The following MEGF11 variants were observed in gnomAD, a reference collection of about 807,000 sequenced individuals.
MEGF11 encodes multiple EGF like domains 11, also known as multiple epidermal growth factor-like domains protein 11.
Under a neutral mutation model 146.6 loss-of-function variants are expected in MEGF11, and 126 were observed. The ratio of observed to expected loss-of-function variants is 0.86; its 90% CI spans 0.74 to 1.00. The LOEUF is 1.00. MEGF11 is among the 50% of genes least tolerant of loss of function. The probability of loss-of-function intolerance (pLI) is 0.00; values close to 1 mark genes in which losing one functional copy is unlikely to be tolerated. For synonymous variants in MEGF11, 532 were observed against 583.4 expected, an observed-to-expected ratio of 0.91 and a Z score of 1.27; for missense variants, 1,509 against 1,521.2, an observed-to-expected ratio of 0.99 and a Z score of 0.13.
intron 5 of MEGF11, among the ~76,000 whole-genome samples, chr15:65,989,197 A>G (rs1045446964): frequency 6.6e-6 from 1 of 152,106 alleles, no homozygotes; most frequent in African/African-American, 2.4e-5. Context: ...GCTGGGCTGG[A>G]GGTGGGGTGG....
Position 66,061,397 on chromosome 15 carries a change from G to A in MEGF11, c.394+33005C>T, listed in dbSNP as rs139583533. Among the ~76,000 whole-genome samples, 9 of 152,272 alleles carry A rather than the reference G, an allele frequency of 5.9e-5. No homozygotes were observed. The East Asian group carries it at 1.4e-3, about 23-fold the overall frequency. ...GGCTGGAAAGGCTTGACCCCCACAC[G>A]TCAGACTTAGCCTCCTTTACTTGTT... On this transcript the variant is annotated intron_variant, in intron 5 of 25. Coordinates refer to ENST00000395614, the MANE Select transcript of MEGF11 (RefSeq NM_001385028.1).
At chr15:66,069,559 C>T (rs1447747963) in intron 5 of MEGF11, among the ~76,000 whole-genome samples, 2 of 152,140 alleles carry the variant, frequency 1.3e-5, no homozygotes, top group African/African-American at 2.4e-5. Flanking sequence ...GTCCCACAGT[C>T]GGGACCATGG....
chr15:66,234,374 C>G (rs181053705), intron 1 of MEGF11, among the ~76,000 whole-genome samples: 1 of 152,344 alleles, frequency 6.6e-6, no homozygotes, highest in Admixed American at 6.5e-5. Context: ...TGCAGCTTAA[C>G]TGATATAGCC....
intron 5 of MEGF11, among the ~76,000 whole-genome samples, chr15:66,064,674 TC>T (rs1257527491): frequency 1.4e-5 from 2 of 142,474 alleles, no homozygotes; most frequent in African/African-American, 2.5e-5. Context: ...TGTACCACCA[TC>T]CCGGCTAATT....
chr15:65,992,451 G>GT (rs772342790), intron 5 of MEGF11, among the ~76,000 whole-genome samples: 3,483 of 17,832 alleles, frequency 0.2, 158 homozygotes, highest in African/African-American at 0.33. Context: ...GTGTGTGTGT[G>GT]GGGGGGGGGG....
rs1244230153 is a variant in MEGF11, at chr15:66,128,295, C to T, written c.98+11G>A. 8 of 1,478,082 alleles carry T rather than the reference C, an allele frequency of 5.4e-6. No homozygotes were observed. Among genetic ancestry groups the T allele is most frequent in the Non-Finnish European group, 7.2e-6 (8 of 1,111,566 alleles). 91.6% of individuals were successfully genotyped at this position (1,478,082 alleles called of 1,614,324 possible). A position where few individuals can be genotyped will look rare whatever the true frequency, so the allele number is the denominator to read the frequency against. On this transcript the variant is annotated intron_variant, in intron 2 of 25. Transcript: ENST00000395614. ...CAGAGAGTGCCTGGCCATCTGAGGCCCACACCTTACCTCTCCCAGTGGCTG... is the reference window on the plus strand; with the variant it reads ...CAGAGAGTGCCTGGCCATCTGAGGCTCACACCTTACCTCTCCCAGTGGCTG...
chr15:66,181,889 G>T (rs2090559395), intron 1 of MEGF11, among the ~76,000 whole-genome samples: 1 of 152,166 alleles, frequency 6.6e-6, no homozygotes, highest in Admixed American at 6.5e-5. Context: ...TAATCTGTTT[G>T]CTCCTAAATG....
chr15:66,094,610 ACG>A, intron 4 of MEGF11, 116 bp from the exon 5 acceptor site: 2 of 814,792 alleles, frequency 2.5e-6, no homozygotes, highest in Admixed American at 2.4e-5. Flanking sequence ...GATGCTTAGA[ACG>A]CATGACTGGC....
At chr15:66,173,857 A>G (rs1419400909) in intron 1 of MEGF11, among the ~76,000 whole-genome samples, 1 of 152,222 alleles carries the variant, frequency 6.6e-6, no homozygotes, top group Non-Finnish European at 1.5e-5. Context: ...ACCCTTGGAC[A>G]GTTTGCCACA....
chr15:66,209,306 C>T (rs1419502426), intron 1 of MEGF11, among the ~76,000 whole-genome samples: 3 of 151,058 alleles, frequency 2.0e-5, no homozygotes, highest in East Asian at 2.0e-4. Flanking sequence ...GCCAAGATCG[C>T]GCCACTGCAC....
intron 1 of MEGF11, among the ~76,000 whole-genome samples, chr15:66,182,778 C>T (rs562155420): frequency 2.6e-5 from 4 of 152,270 alleles, no homozygotes; most frequent in South Asian, 4.1e-4. Context: ...GCAAAATAAG[C>T]GATGGGAGTT....
At chr15:65,904,167 T>C (rs552708534) in intron 24 of MEGF11, among the ~76,000 whole-genome samples, 1 of 152,328 alleles carries the variant, frequency 6.6e-6, no homozygotes, top group South Asian at 2.1e-4. Flanking sequence ...TGTTCAGTTA[T>C]TGGGGTTTCT....
chr15:66,184,413 G>A (rs1267612407), intron 1 of MEGF11, among the ~76,000 whole-genome samples: 3 of 151,666 alleles, frequency 2.0e-5, no homozygotes, highest in East Asian at 3.9e-4. Context: ...CACCTGGGCC[G>A]CCCTAAGAAT....
intron 5 of MEGF11, among the ~76,000 whole-genome samples, chr15:66,057,765 A>G (rs2084738826): frequency 6.6e-6 from 1 of 152,138 alleles, no homozygotes; most frequent in African/African-American, 2.4e-5. Flanking sequence ...GCTCACTGAC[A>G]TTTCATCATA....
chr15:66,025,671 G>A (rs188569478), intron 5 of MEGF11, among the ~76,000 whole-genome samples: 39 of 152,204 alleles, frequency 2.6e-4, no homozygotes, highest in Admixed American at 7.2e-4. Context: ...CCTTAGGAAC[G>A]GACCATACCT....
chr15:66,093,492 C>T (rs368051746), intron 5 of MEGF11, among the ~76,000 whole-genome samples: 5 of 152,164 alleles, frequency 3.3e-5, no homozygotes, highest in African/African-American at 1.2e-4. Context: ...CTAGTGGAGC[C>T]GCTTGGCTAT....
chr15:65,996,932 C>A (rs2082217646), intron 5 of MEGF11, among the ~76,000 whole-genome samples: 1 of 152,252 alleles, frequency 6.6e-6, no homozygotes. Context: ...ACCCCAGGTC[C>A]ACCCAGCATT....
intron 8 of MEGF11, among the ~76,000 whole-genome samples, chr15:65,966,203 C>T (rs1332680128): frequency 6.6e-6 from 1 of 152,132 alleles, no homozygotes; most frequent in Non-Finnish European, 1.5e-5. Flanking sequence ...ACCATGTTGT[C>T]CAGGATGGTC....
intron 1 of MEGF11, among the ~76,000 whole-genome samples, chr15:66,235,522 A>T (rs552109131): frequency 1.3e-5 from 2 of 151,906 alleles, no homozygotes; most frequent in African/African-American, 4.8e-5. Context: ...AAAAGGTCAA[A>T]ATCTGTAACA....
Sources: gnomAD v4.1 joint callset for allele counts (sites outside exome capture counted in the v4.1 genomes callset) on GRCh38, gnomAD v4.1.1 for gene constraint, MANE v1.5 for transcripts, NCBI Gene and HGNC (gene_info 2026-07-23, HGNC 2026-07-21) for gene names.